HPX: variants seen among roughly 807,000 people sequenced by gnomAD.
HPX encodes the protein beta-1B-glycoprotein.
A neutral mutation model predicts 53.8 loss-of-function variants in HPX; 42 were observed. The observed-to-expected ratio is 0.78, with a 90% CI of 0.61 to 1.01. The LOEUF (loss-of-function observed/expected upper bound fraction) is 1.01. HPX is among the 50% of genes least tolerant of loss of function. The probability of loss-of-function intolerance (pLI) is 0.00; values close to 1 mark genes in which losing one functional copy is unlikely to be tolerated. For synonymous variants in HPX, 229 were observed against 221.1 expected (o/e 1.04, Z -0.32); for missense variants, 547 against 594.3 (o/e 0.92, Z 0.83).
intron 7 of HPX, among the ~76,000 whole-genome samples, chr11:6,435,079 A>C (rs1036936827): frequency 1.3e-5 from 2 of 152,120 alleles, no homozygotes; most frequent in Non-Finnish European, 2.9e-5. Flanking sequence ...AAATACAAAA[A>C]TTAAATTAAT....
intron 4 of HPX, chr11:6,439,588 A>C (rs1455864970): frequency 5.9e-6 from 1 of 170,936 alleles, no homozygotes; most frequent in African/African-American, 2.4e-5. Context: ...TGGATCCCCA[A>C]GGAACATTAG....
In HPX at chr11:6,438,512, G is replaced by C. The variant is rs1849446078; in HGVS notation, c.337-3C>G. 1.2e-6 allele frequency: 2 copies of C among 1,613,420 alleles called. No homozygotes were observed. Among genetic ancestry groups the C allele is most frequent in the Non-Finnish European group, 1.7e-6 (2 of 1,179,460 alleles). On this transcript the variant is annotated splice_region_variant and splice_polypyrimidine_tract_variant and intron_variant, in intron 4 of 9. Transcript: ENST00000265983. ...GGGTATACCCAGACTTTGTCCCCCT[G>C]CATTCAAAAGTACTCTCTTTTTGAC... is the stretch of plus-strand genomic sequence containing the variant.
At chr11:6,437,728 T>A (rs1179710636) in intron 5 of HPX, 76 bp from the exon 6 acceptor site, 1 of 1,158,940 alleles carries the variant, frequency 8.6e-7, no homozygotes, top group African/African-American at 1.5e-5. Context: ...GGTCCCAGGA[T>A]GGGCCAGATA....
In HPX at chr11:6,431,690, C is replaced by A; in HGVS notation, c.1080G>T (p.Val360=). The A allele has an allele frequency of 1.9e-6, 3 of 1,614,218 alleles. No homozygotes were observed. The highest frequency in any genetic ancestry group is 2.2e-5 in the East Asian group (1 of 44,888). ...GTPHGIILDS[V]DAAFICPGSS... ...ACCCAGGGCAGATAAAGGCCGCATC[C>A]ACAGAGTCCAGGATAATCCCATGAG... The change falls in exon 9 of 10, where the codon GTG becomes GTT. Residue 360 remains valine, a synonymous_variant. Transcript: ENST00000265983.
At position 6,431,897 on chromosome 11, in the gene HPX, TAG is replaced by T; in HGVS notation, c.954_955del (p.Tyr319SerfsTer82). On this transcript the variant is annotated frameshift_variant, in exon 8 of 10. Transcript: ENST00000265983. LOFTEE classifies it high-confidence loss of function. The stretch of plus-strand genomic sequence containing the variant: ...TCCCCCAATACACACCTGGACCAGA[TAG>T]AGTTTTTCTTCCCAGGAAAAGGCAG... The T allele has an allele frequency of 1.2e-6, 2 of 1,614,112 alleles. No individual in the cohort carries two copies. The highest frequency in any genetic ancestry group is 1.7e-6 in the Non-Finnish European group (2 of 1,179,998).
intron 1 of HPX, 50 bp downstream of exon 1, chr11:6,440,831 T>C: frequency 1.2e-6 from 2 of 1,602,136 alleles, no homozygotes; most frequent in South Asian, 1.1e-5. Flanking sequence ...GGCCCTACCT[T>C]ACCCTAGCCC....
At chr11:6,440,340 A>T (rs1367967216) in intron 3 of HPX, 54 bp from the exon 4 acceptor site, 1 of 1,609,166 alleles carries the variant, frequency 6.2e-7, no homozygotes, top group Non-Finnish European at 8.5e-7. Context: ...TGACCTACTG[A>T]GATAGCTTGA....
chr11:6,431,475 G>A lies in HPX; in HGVS notation c.1130-5C>T, dbSNP rs752805701. ...CCAGCCACCACAGCCGCCGTCCTGG[G>A]GAGAAGGCACCAAACATAGCATGGC... On this transcript the variant is annotated splice_polypyrimidine_tract_variant and splice_region_variant and intron_variant, in intron 9 of 9. Coordinates refer to ENST00000265983, the MANE Select transcript of HPX (RefSeq NM_000613.3). The A allele has an allele frequency of 6.2e-7, 1 of 1,614,086 alleles. No homozygotes were observed. Among genetic ancestry groups the A allele is most frequent in the Non-Finnish European group, 8.5e-7 (1 of 1,179,974 alleles).
intron 7 of HPX, among the ~76,000 whole-genome samples, chr11:6,432,773 A>T (rs1158227313): frequency 6.6e-6 from 1 of 151,748 alleles, no homozygotes; most frequent in Non-Finnish European, 1.5e-5. Flanking sequence ...ATCTTTTTTG[A>T]CTACTCTTTT....
At position 6,437,049 on chromosome 11, in the gene HPX, T is replaced by C; in HGVS notation, c.832A>G (p.Ser278Gly). Reference protein sequence around the residue: ...SDNHGATYAFSGTHYWRLDTS... With the variant: ...SDNHGATYAFGGTHYWRLDTS... ...GGGAGTTGGGGGCATCTCTCACCACTGAAGGCATAGGTGGCACCATGGTTG... is the reference window on the plus strand; with the variant it reads ...GGGAGTTGGGGGCATCTCTCACCACCGAAGGCATAGGTGGCACCATGGTTG... The change falls in exon 7 of 10, where the codon AGT becomes GGT. Residue 278 changes from serine (S) to glycine (G), a missense_variant. Ser to Gly is a moderately conservative substitution (Grantham distance 56). Coordinates refer to ENST00000265983, the MANE Select transcript of HPX (RefSeq NM_000613.3). The C allele has an allele frequency of 1.9e-6, 3 of 1,614,100 alleles. No individual in the cohort carries two copies. The highest frequency in any genetic ancestry group is 1.3e-5 in the African/African-American group (1 of 75,052).
chr11:6,438,047 T>C, intron 5 of HPX: 1 of 494,918 alleles, frequency 2.0e-6, no homozygotes, highest in Non-Finnish European at 3.6e-6. Context: ...AAGTCAAAGC[T>C]GAAGGGCCAA....
Position 6,431,157 on chromosome 11 carries a change from T to C in HPX, c.*54A>G. 2 of 1,603,238 alleles carry C rather than the reference T, an allele frequency of 1.2e-6. No individual in the cohort carries two copies. The highest frequency in any genetic ancestry group is 1.7e-6 in the Non-Finnish European group (2 of 1,173,028). On this transcript the variant is annotated 3_prime_UTR_variant, in exon 10 of 10. Coordinates refer to ENST00000265983, the MANE Select transcript of HPX (RefSeq NM_000613.3). ...TGAGAAGCGAAGAAGCAATCTGTCT[T>C]TATTATGAGGAACTAGGAGGTGGGG...
rs747673599 is a variant in HPX, at chr11:6,431,695, A to C, written c.1075T>G (p.Ser359Ala). 6.2e-7 allele frequency: 1 copy of C among 1,614,084 alleles called. No individual in the cohort carries two copies. Among genetic ancestry groups the C allele is most frequent in the Non-Finnish European group, 8.5e-7 (1 of 1,180,036 alleles). The change falls in exon 9 of 10, where the codon TCT (serine) becomes GCT (alanine). Residue 359 changes from serine (S) to alanine (A), a missense_variant. Ser to Ala is a moderately conservative substitution (Grantham distance 99). Coordinates refer to ENST00000265983, the MANE Select transcript of HPX (RefSeq NM_000613.3). ...VGTPHGIILDSVDAAFICPGS... is the reference protein window; with the variant it reads ...VGTPHGIILDAVDAAFICPGS... ...GGGCAGATAAAGGCCGCATCCACAG[A>C]GTCCAGGATAATCCCATGAGGGGTC... is the stretch of plus-strand genomic sequence containing the variant.
intron 4 of HPX, chr11:6,439,763 G>C (rs1033060796): frequency 3.7e-6 from 1 of 268,312 alleles, no homozygotes; most frequent in African/African-American, 2.2e-5. Context: ...CATGGGACTT[G>C]GTGAGCACAG....
In HPX at chr11:6,440,677, A is replaced by G; in HGVS notation, c.137T>C (p.Val46Ala). The part of the protein sequence containing the change: ...AEGETKPDPD[V>A]TERCSDGWSF... ...TTAGGGAGTCAGGGCCTCACCAGTC[A>G]CGTCTGGGTCTGGCTTGGTCTCGCC... Residue 46 changes from valine (V) to alanine (A), a missense_variant, in exon 2 of 10, where the codon GTG (valine) becomes GCG (alanine). Transcript: ENST00000265983. 6.2e-7 allele frequency: 1 copy of G among 1,612,082 alleles called. No homozygotes were observed.
rs767347163 is a variant in HPX, at chr11:6,440,459, C to T, written c.214+8G>A. On this transcript the variant is annotated splice_region_variant and intron_variant, in intron 3 of 9. Coordinates refer to ENST00000265983, the MANE Select transcript of HPX (RefSeq NM_000613.3). ...GGTCCTAAACGCCCTAACCTCAGTC[C>T]CTCCTACCTTTAAAAAACAGCATGG... 4 of 1,608,690 alleles carry T rather than the reference C, an allele frequency of 2.5e-6. No individual in the cohort carries two copies. The African/African-American group carries it at 5.4e-5, about 22-fold the overall frequency.
intron 7 of HPX, chr11:6,432,241 G>A (rs540073503): frequency 3.4e-6 from 2 of 581,146 alleles, no homozygotes; most frequent in Admixed American, 3.1e-5. Flanking sequence ...AGAAAGGCAA[G>A]TGTGGAAAAC....
chr11:6,438,254 TAGTG>T, intron 5 of HPX, 98 bp downstream of exon 5: 1 of 1,228,138 alleles, frequency 8.1e-7, no homozygotes, highest in Non-Finnish European at 1.2e-6. Flanking sequence ...AAAAGCCACA[TAGTG>T]GCTCCACCAC....
At chr11:6,436,916 T>C in intron 7 of HPX, 130 bp downstream of exon 7, 1 of 989,340 alleles carries the variant, frequency 1.0e-6, no homozygotes, top group Non-Finnish European at 1.5e-6. Context: ...CAGAAGGGCA[T>C]GCAGAAGGAT....
Sources: allele counts gnomAD v4.1 joint callset (sites outside exome capture counted in the v4.1 genomes callset), GRCh38; gene constraint gnomAD v4.1.1; transcripts MANE v1.5; gene names NCBI Gene and HGNC (gene_info 2026-07-23, HGNC 2026-07-21).